Variants in ABT1 observed in about 807,000 individuals in gnomAD.
ABT1 encodes the protein TATA-binding protein-binding protein.
In ABT1, 13 loss-of-function variants were observed where a neutral mutation model predicts 14.0. The observed-to-expected ratio is 0.93, with a 90% CI of 0.61 to 1.48. ABT1 has a LOEUF of 1.48. Among genes scored for constraint, ABT1 ranks in the 40% most tolerant of loss-of-function variants. ABT1 has a pLI of 0.00. For missense variants in ABT1, 430 were observed against 380.0 expected, an observed-to-expected ratio of 1.13 and a Z score of -1.09; for synonymous variants, 165 against 144.6, an observed-to-expected ratio of 1.14 and a Z score of -1.01.
At chr6:26,597,263 C>T (rs1764914885) in intron 1 of ABT1, 40 bp downstream of exon 1, 2 of 1,600,152 alleles carry the variant, frequency 1.2e-6, no homozygotes, top group African/African-American at 2.7e-5. Context: ...AGGAGGTTGT[C>T]GCTCGCTGGC....
Position 26,597,044 on chromosome 6 carries a change from A to G in ABT1, c.62A>G (p.Gln21Arg). 2.5e-6 allele frequency: 4 copies of G among 1,613,886 alleles called. No individual in the cohort carries two copies. The highest frequency in any genetic ancestry group is 3.4e-6 in the Non-Finnish European group (4 of 1,180,004). Residue 21 changes from glutamine (Q) to arginine (R), a missense_variant, in exon 1 of 3, where the codon CAG becomes CGG. Gln to Arg is a conservative substitution (Grantham distance 43). Coordinates refer to ENST00000274849, the MANE Select transcript of ABT1 (RefSeq NM_013375.4). ...TEQEPLEGTEQTLDAEEEQEE... is the reference protein window; with the variant it reads ...TEQEPLEGTERTLDAEEEQEE... ...CAAGAGCCGCTGGAAGGGACAGAAC[A>G]GACACTAGATGCGGAGGAGGAGCAG...
chr6:26,598,020 C>G lies in ABT1; in HGVS notation c.348C>G (p.Arg116=), dbSNP rs1764926208. The G allele has an allele frequency of 6.2e-7, 1 of 1,614,204 alleles. No homozygotes were observed. Among genetic ancestry groups the G allele is most frequent in the Non-Finnish European group, 8.5e-7 (1 of 1,180,036 alleles). The change falls in exon 2 of 3, where the codon CGC becomes CGG. Residue 116 remains arginine, a synonymous_variant. Transcript: ENST00000274849. ...TEGWVEFRDK[R]IAKRVAASLH... ...GATGGGTGGAGTTCCGTGACAAGCG[C>G]ATAGCCAAGCGCGTGGCGGCCAGTC...
chr6:26,598,749 A>C lies in ABT1; in HGVS notation c.*104A>C. 2.1e-6 allele frequency: 3 copies of C among 1,413,042 alleles called. No individual in the cohort carries two copies. The highest frequency in any genetic ancestry group is 2.8e-6 in the Non-Finnish European group (3 of 1,071,380). 87.5% of individuals were successfully genotyped at this position (1,413,042 alleles called of 1,614,324 possible). On this transcript the variant is annotated 3_prime_UTR_variant, in exon 3 of 3. Transcript: ENST00000274849. ...GGGCAGACATTTTACTGTGTTTCTC[A>C]GACCAAGTGTCTACTGATGGCCCAA...
rs541955319 is a variant in ABT1, at chr6:26,598,855, A to G, written c.*210A>G. On this transcript the variant is annotated 3_prime_UTR_variant, in exon 3 of 3. Transcript: ENST00000274849. Reference sequence around the variant, plus strand: ...GCTGAGTCACCTAATTCATACTGTCATACTAGCATAATTATGACTATTGCA... The same window carrying G: ...GCTGAGTCACCTAATTCATACTGTCGTACTAGCATAATTATGACTATTGCA... 1.3e-5 allele frequency: 7 copies of G among 535,796 alleles called. No homozygotes were observed. The highest frequency in any genetic ancestry group is 7.5e-5 in the African/African-American group (4 of 53,234). 33.2% of individuals were successfully genotyped at this position (535,796 alleles called of 1,614,324 possible). A position where few individuals can be genotyped will look rare whatever the true frequency, so the allele number is the denominator to read the frequency against.
rs1387605021 is a variant in ABT1, at chr6:26,597,187, T to C, written c.205T>C (p.Tyr69His). 1.2e-6 allele frequency: 2 copies of C among 1,614,240 alleles called. No individual in the cohort carries two copies. Among genetic ancestry groups the C allele is most frequent in the Non-Finnish European group, 8.5e-7 (1 of 1,180,048 alleles). Residue 69 changes from tyrosine (Y) to histidine (H), a missense_variant, in exon 1 of 3, where the codon TAT becomes CAT. Transcript: ENST00000274849. ...GCACGTCCGCAACCTTCTCAGCGCCTATGGCGAGGTCGGACGCGTCTTCTT... is the reference window on the plus strand; with the variant it reads ...GCACGTCCGCAACCTTCTCAGCGCCCATGGCGAGGTCGGACGCGTCTTCTT... ...PLHVRNLLSA[Y>H]GEVGRVFFQA...
At position 26,598,709 on chromosome 6, in the gene ABT1, T is replaced by G. The variant is rs1764939565; in HGVS notation, c.*64T>G. The stretch of plus-strand genomic sequence containing the variant: ...GCTTCCTGTCTACCTCATACTAGAA[T>G]GATCGTGACTACCCGGGCAGACATT... On this transcript the variant is annotated 3_prime_UTR_variant, in exon 3 of 3. Coordinates refer to ENST00000274849, the MANE Select transcript of ABT1 (RefSeq NM_013375.4). 2.0e-6 allele frequency: 3 copies of G among 1,489,278 alleles called. No individual in the cohort carries two copies. The South Asian group carries it at 4.1e-5, about 20-fold the overall frequency. The allele number at this position is 1,489,278 out of a possible 1,614,324, so 92.3% of individuals were successfully genotyped here. A position where few individuals can be genotyped will look rare whatever the true frequency, so the allele number is the denominator to read the frequency against.
At position 26,598,035 on chromosome 6, in the gene ABT1, G is replaced by A. The variant is rs781933571; in HGVS notation, c.363G>A (p.Val121=). 2 of 1,614,090 alleles carry A rather than the reference G, an allele frequency of 1.2e-6. No homozygotes were observed. The highest frequency in any genetic ancestry group is 1.7e-6 in the Non-Finnish European group (2 of 1,180,052). ...GTGACAAGCGCATAGCCAAGCGCGT[G>A]GCGGCCAGTCTACACAACACGCCTA... ...EFRDKRIAKR[V]AASLHNTPMG... is the part of the protein sequence containing the mutation. Residue 121 remains valine, a synonymous_variant, in exon 2 of 3, where the codon GTG becomes GTA. Coordinates refer to ENST00000274849, the MANE Select transcript of ABT1 (RefSeq NM_013375.4).
chr6:26,598,554 C>T lies in ABT1; in HGVS notation c.728C>T (p.Ala243Val). Residue 243 changes from alanine to valine, a missense_variant, in exon 3 of 3, where the codon GCC (alanine) becomes GTC (valine). Physicochemically the swap from Ala to Val is moderately conservative, Grantham distance 64 (BLOSUM62 0). Coordinates refer to ENST00000274849, the MANE Select transcript of ABT1 (RefSeq NM_013375.4). ...RARLATAQDK[A>V]RSNKGLLARI... ...CGCCTGGCAACTGCCCAGGACAAGG[C>T]CCGCTCCAACAAAGGGCTCCTGGCC... The T allele has an allele frequency of 6.2e-7, 1 of 1,611,102 alleles. No homozygotes were observed. The highest frequency in any genetic ancestry group is 8.5e-7 in the Non-Finnish European group (1 of 1,177,872).
At position 26,598,250 on chromosome 6, in the gene ABT1, C is replaced by G. The variant is rs1156434560; in HGVS notation, c.439-15C>G. 6.2e-7 allele frequency: 1 copy of G among 1,604,376 alleles called. No homozygotes were observed. The highest frequency in any genetic ancestry group is 8.5e-7 in the Non-Finnish European group (1 of 1,172,740). On this transcript the variant is annotated splice_polypyrimidine_tract_variant and intron_variant, in intron 2 of 2. Transcript: ENST00000274849. The stretch of plus-strand genomic sequence containing the variant: ...ATCTGCACTATCCTGATCTTTTCTT[C>G]TTTTCTGCCCACAGTACTTGCACCG...
Position 26,598,069 on chromosome 6 carries a change from C to T in ABT1, c.397C>T (p.Arg133Cys), listed in dbSNP as rs781877703. 6.2e-7 allele frequency: 1 copy of T among 1,613,974 alleles called. No homozygotes were observed. Among genetic ancestry groups the T allele is most frequent in the Non-Finnish European group, 8.5e-7 (1 of 1,179,906 alleles). The change falls in exon 2 of 3, where the codon CGC becomes TGC. Residue 133 changes from arginine (R) to cysteine (C), a missense_variant. Coordinates refer to ENST00000274849, the MANE Select transcript of ABT1 (RefSeq NM_013375.4). ...ASLHNTPMGA[R>C]RRSPFRYDLW... ...TCTACACAACACGCCTATGGGTGCC[C>T]GCAGGCGCAGCCCCTTCCGTTATGA... is the stretch of plus-strand genomic sequence containing the variant.
rs1477467614 is a variant in ABT1 at position 26,599,100 on chromosome 6, A to G, written c.*455A>G. 6.5e-6 allele frequency: 1 copy of G among 153,634 alleles called. No individual in the cohort carries two copies. The highest frequency in any genetic ancestry group is 1.9e-4 in the East Asian group (1 of 5,230). 9.5% of individuals were successfully genotyped at this position (153,634 alleles called of 1,614,324 possible). A position where few individuals can be genotyped will look rare whatever the true frequency, so the allele number is the denominator to read the frequency against. On this transcript the variant is annotated 3_prime_UTR_variant, in exon 3 of 3. Transcript: ENST00000274849. ...GGTGGACTGGGTTGGGAAGAAATACATTTCCTAATGTATTTATAGAAAATA... is the reference window on the plus strand; with the variant it reads ...GGTGGACTGGGTTGGGAAGAAATACGTTTCCTAATGTATTTATAGAAAATA...
chr6:26,597,577 C>G lies in ABT1; in HGVS notation c.242-337C>G, dbSNP rs111797336. Among the ~76,000 whole-genome samples the G allele has an allele frequency of 8.7e-3, 1,330 of 152,242 alleles. 8 individuals carry two copies. Among genetic ancestry groups the G allele is most frequent in the African/African-American group, 0.02 (814 of 41,522 alleles). On this transcript the variant is annotated intron_variant, in intron 1 of 2. Coordinates refer to ENST00000274849, the MANE Select transcript of ABT1 (RefSeq NM_013375.4). ...AGTAAAAGTCTCGTCAGCTTTTCTACAAAACTGAACATAACTCTTTAGCAT... is the reference window on the plus strand; with the variant it reads ...AGTAAAAGTCTCGTCAGCTTTTCTAGAAAACTGAACATAACTCTTTAGCAT...
chr6:26,597,686 C>T (rs1402423532), intron 1 of ABT1, among the ~76,000 whole-genome samples: 2 of 152,064 alleles, frequency 1.3e-5, no homozygotes, highest in South Asian at 2.1e-4. Context: ...GGACTTGTGC[C>T]GGTTTTAAGC....
In ABT1 at chr6:26,599,398, A is replaced by C. The variant is rs1764947816; in HGVS notation, c.*753A>C. 6.6e-6 allele frequency: 1 copy of C among 152,212 alleles called. No homozygotes were observed. The highest frequency in any genetic ancestry group is 2.1e-4 in the South Asian group (1 of 4,832). 9.4% of individuals were successfully genotyped at this position (152,212 alleles called of 1,614,324 possible). ...TAGGTAATAACACATCTTAGTATTA[A>C]GAGTTTTACAGGCCACTAGTATAAG... On this transcript the variant is annotated 3_prime_UTR_variant, in exon 3 of 3. Coordinates refer to ENST00000274849, the MANE Select transcript of ABT1 (RefSeq NM_013375.4).
At position 26,598,845 on chromosome 6, in the gene ABT1, T is replaced by A; in HGVS notation, c.*200T>A. ...TATGTGCCTGGCTGAGTCACCTAAT[T>A]CATACTGTCATACTAGCATAATTAT... On this transcript the variant is annotated 3_prime_UTR_variant, in exon 3 of 3. Transcript: ENST00000274849. 1.8e-6 allele frequency: 1 copy of A among 555,718 alleles called. No homozygotes were observed. The highest frequency in any genetic ancestry group is 3.5e-5 in the South Asian group (1 of 28,664). The allele number at this position is 555,718 out of a possible 1,614,324, so 34.4% of individuals were successfully genotyped here. A position where few individuals can be genotyped will look rare whatever the true frequency, so the allele number is the denominator to read the frequency against.
rs146266057 is a variant in ABT1 at position 26,597,137 on chromosome 6, A to G, written c.155A>G (p.His52Arg). The change falls in exon 1 of 3, where the codon CAT becomes CGT. Residue 52 changes from histidine to arginine, a missense_variant. His to Arg is a conservative substitution (Grantham distance 29). Coordinates refer to ENST00000274849, the MANE Select transcript of ABT1 (RefSeq NM_013375.4). Reference sequence around the variant, plus strand: ...GTGCCAGGTATTGTGTACCTGGGCCATATCCCGCCGCGCTTCCGGCCCCTG... The same window carrying G: ...GTGCCAGGTATTGTGTACCTGGGCCGTATCCCGCCGCGCTTCCGGCCCCTG... ...RVVPGIVYLG[H>R]IPPRFRPLHV... The G allele has an allele frequency of 2.7e-5, 43 of 1,614,058 alleles. No homozygotes were observed. Among genetic ancestry groups the G allele is most frequent in the Non-Finnish European group, 3.5e-5 (41 of 1,180,028 alleles).
In ABT1 at chr6:26,599,893, C is replaced by G. The variant is rs1201606165; in HGVS notation, c.*1248C>G. The G allele has an allele frequency of 6.6e-6, 1 of 152,248 alleles. No individual in the cohort carries two copies. Among genetic ancestry groups the G allele is most frequent in the Non-Finnish European group, 1.5e-5 (1 of 68,074 alleles). The allele number at this position is 152,248 out of a possible 1,614,324, so 9.4% of individuals were successfully genotyped here. On this transcript the variant is annotated 3_prime_UTR_variant, in exon 3 of 3. Transcript: ENST00000274849. ...AGAGTATGATTATAATTTCTGTTTG[C>G]TTGTGCTGTTTGTTTTTGTTTTTCA...
intron 2 of ABT1, 35 bp from the exon 3 acceptor site, chr6:26,598,230 C>A: frequency 6.3e-7 from 1 of 1,594,348 alleles, no homozygotes; most frequent in Non-Finnish European, 8.6e-7. Flanking sequence ...CCCTAATCTG[C>A]ACTATCCTGA....
rs1554144534 is a variant in ABT1 at position 26,597,030 on chromosome 6, G to A, written c.48G>A (p.Leu16=). 6.2e-7 allele frequency: 1 copy of A among 1,613,694 alleles called. No homozygotes were observed. Among genetic ancestry groups the A allele is most frequent in the Non-Finnish European group, 8.5e-7 (1 of 1,179,978 alleles). ...SEKAATEQEP[L]EGTEQTLDAE... ...AGGCCGCAACGGAGCAAGAGCCGCTGGAAGGGACAGAACAGACACTAGATG... is the reference window on the plus strand; with the variant it reads ...AGGCCGCAACGGAGCAAGAGCCGCTAGAAGGGACAGAACAGACACTAGATG... The change falls in exon 1 of 3, where the codon CTG becomes CTA. Residue 16 remains leucine (L), a synonymous_variant. Transcript: ENST00000274849.
Sources: allele counts gnomAD v4.1 joint callset (sites outside exome capture counted in the v4.1 genomes callset), GRCh38; gene constraint gnomAD v4.1.1; transcripts MANE v1.5; gene names NCBI Gene and HGNC (gene_info 2026-07-23, HGNC 2026-07-21).